Variants in ZNF416 observed in about 807,000 individuals in gnomAD.
ZNF416 encodes the protein zinc finger protein 416.
Under a neutral mutation model 10.9 loss-of-function variants are expected in ZNF416, and 5 were observed. That is an observed-to-expected ratio of 0.46 (90% CI 0.24 to 0.97). ZNF416 has a LOEUF of 0.97. Among genes scored for constraint, ZNF416 ranks in the 50% least tolerant of loss-of-function variants. The probability of loss-of-function intolerance (pLI) is 0.19; values close to 1 mark genes in which losing one functional copy is unlikely to be tolerated. For missense variants in ZNF416, 675 were observed against 715.0 expected, an observed-to-expected ratio of 0.94 and a Z score of 0.64; for synonymous variants, 267 against 251.8, an observed-to-expected ratio of 1.06 and a Z score of -0.57.
In ZNF416 at chr19:57,578,756, C is replaced by T. The variant is rs1178389472; in HGVS notation, c.-52G>A. 1 of 1,421,550 alleles carries T rather than the reference C, an allele frequency of 7.0e-7. No homozygotes were observed. The highest frequency in any genetic ancestry group is 1.5e-5 in the South Asian group (1 of 67,550). 88.1% of individuals were successfully genotyped at this position (1,421,550 alleles called of 1,614,324 possible). A position where few individuals can be genotyped will look rare whatever the true frequency, so the allele number is the denominator to read the frequency against. ...AGCGGCGGGCGACCCGGGGCGGGAA[C>T]CCAGGCACGGCTGCCACCAGCGCCA... On this transcript the variant is annotated 5_prime_UTR_variant, in exon 1 of 4. Coordinates refer to ENST00000196489, the MANE Select transcript of ZNF416 (RefSeq NM_017879.3).
chr19:57,576,399 G>A (rs932855516), intron 2 of ZNF416, among the ~76,000 whole-genome samples: 1 of 151,972 alleles, frequency 6.6e-6, no homozygotes, highest in Admixed American at 6.6e-5. Context: ...CCACACCATA[G>A]GCATCTCTCT....
chr19:57,577,659 C>T (rs1355385730), intron 2 of ZNF416, among the ~76,000 whole-genome samples: 1 of 152,176 alleles, frequency 6.6e-6, no homozygotes, highest in East Asian at 1.9e-4. Flanking sequence ...TCACATACCT[C>T]CTCTGCCCCC....
At position 57,573,152 on chromosome 19, in the gene ZNF416, C is replaced by T. The variant is rs749422442; in HGVS notation, c.752G>A (p.Cys251Tyr). The change falls in exon 4 of 4, where the codon TGC becomes TAC. Residue 251 changes from cysteine to tyrosine, a missense_variant. Cys to Tyr is a radical substitution (Grantham distance 194, BLOSUM62 -2). Coordinates refer to ENST00000196489, the MANE Select transcript of ZNF416 (RefSeq NM_017879.3). ...CTGAACAAGGGAGCACTCACAGCAGCAGGCTTTCCCACATTTGCTAGATTC... is the reference window on the plus strand; with the variant it reads ...CTGAACAAGGGAGCACTCACAGCAGTAGGCTTTCCCACATTTGCTAGATTC... ...LYESSKCGKA[C>Y]CCECSLVQLQ... The T allele has an allele frequency of 1.2e-6, 2 of 1,614,166 alleles. No homozygotes were observed. The highest frequency in any genetic ancestry group is 3.3e-5 in the Admixed American group (2 of 60,026).
intron 2 of ZNF416, among the ~76,000 whole-genome samples, chr19:57,576,693 CA>C: frequency 6.6e-6 from 1 of 152,090 alleles, no homozygotes; most frequent in African/African-American, 2.4e-5. Context: ...AAGTCTGCCC[CA>C]GGGGACCCCC....
At position 57,573,349 on chromosome 19, in the gene ZNF416, G is replaced by A; in HGVS notation, c.555C>T (p.Gly185=). ...TAGCAATAGCTTGCGGCTGAAGAATGCCCAATGGGGCTAGGAAGTCCTTCC... is the reference window on the plus strand; with the variant it reads ...TAGCAATAGCTTGCGGCTGAAGAATACCCAATGGGGCTAGGAAGTCCTTCC... ...EVGKDFLAPL[G]ILQPQAIANY... Residue 185 remains glycine (G), a synonymous_variant, in exon 4 of 4, where the codon GGC becomes GGT. Transcript: ENST00000196489. 6.2e-7 allele frequency: 1 copy of A among 1,614,250 alleles called. No individual in the cohort carries two copies. The highest frequency in any genetic ancestry group is 8.5e-7 in the Non-Finnish European group (1 of 1,180,042).
rs200315346 is a variant in ZNF416 at position 57,572,513 on chromosome 19, C to T, written c.1391G>A (p.Arg464Lys). The T allele has an allele frequency of 1.7e-5, 27 of 1,613,840 alleles. No homozygotes were observed. The highest frequency in any genetic ancestry group is 2.3e-5 in the Non-Finnish European group (27 of 1,180,010). Reference protein sequence around the residue: ...NKHHKVHTAERPYVCGECGKA... With the variant: ...NKHHKVHTAEKPYVCGECGKA... The stretch of plus-strand genomic sequence containing the variant: ...CCCACATTCCCCACATACATAAGGC[C>T]TTTCTGCAGTGTGAACTTTGTGGTG... Residue 464 changes from arginine (R) to lysine (K), a missense_variant, in exon 4 of 4, where the codon AGG becomes AAG. Arg to Lys is a conservative substitution (Grantham distance 26, BLOSUM62 2). Coordinates refer to ENST00000196489, the MANE Select transcript of ZNF416 (RefSeq NM_017879.3). The surrounding 1 kb of genome is among the most constrained non-coding windows in gnomAD (Gnocchi z 4.5).
In ZNF416 at chr19:57,572,759, T is replaced by C. The variant is rs1978346343; in HGVS notation, c.1145A>G (p.Tyr382Cys). 6.2e-7 allele frequency: 1 copy of C among 1,614,088 alleles called. No individual in the cohort carries two copies. ...HQRTHTGEKP[Y>C]ECGECGKLFR... ...TAATTTCCCACATTCACCACACTCA[T>C]ATGGCTTTTCTCCTGTGTGAGTTCT... Residue 382 changes from tyrosine (Y) to cysteine (C), a missense_variant, in exon 4 of 4, where the codon TAT becomes TGT. Transcript: ENST00000196489. This position sits in a 1 kb window ranked among gnomAD's most constrained non-coding sequence, Gnocchi z 4.5.
rs758282431 is a variant in ZNF416, at chr19:57,578,888, T to A, written c.-184A>T. 23 of 493,226 alleles carry A rather than the reference T, an allele frequency of 4.7e-5. No homozygotes were observed. The highest frequency in any genetic ancestry group is 7.2e-5 in the Non-Finnish European group (21 of 291,268). The allele number at this position is 493,226 out of a possible 1,614,324, so 30.6% of individuals were successfully genotyped here. On this transcript the variant is annotated 5_prime_UTR_variant, in exon 1 of 4. An upstream start codon of the reference 5' UTR is lost. Coordinates refer to ENST00000196489, the MANE Select transcript of ZNF416 (RefSeq NM_017879.3). ...AGGTAGAGAACCACCAAAATTACCA[T>A]CTCGGAGCGGTGCCGGAAGTCCCGC... is the stretch of plus-strand genomic sequence containing the variant.
chr19:57,575,675 T>C lies in ZNF416; in HGVS notation c.202+129A>G, dbSNP rs1978504312. ...TGATTAAGGAGTGCAATGATTTCAT[T>C]CCTTACACCACAGCACATACGCCAA... On this transcript the variant is annotated intron_variant, in intron 3 of 3. Coordinates refer to ENST00000196489, the MANE Select transcript of ZNF416 (RefSeq NM_017879.3). This position sits in a 1 kb window ranked among gnomAD's most constrained non-coding sequence, Gnocchi z 4.4. The C allele has an allele frequency of 8.6e-6, 11 of 1,285,016 alleles. No homozygotes were observed. In the South Asian group the frequency reaches 1.3e-4, roughly 16 times the overall value. 79.6% of individuals were successfully genotyped at this position (1,285,016 alleles called of 1,614,324 possible).
rs893414603 is a variant in ZNF416 at position 57,572,737 on chromosome 19, T to C, written c.1167A>G (p.Lys389=). The part of the protein sequence containing the change: ...EKPYECGECG[K]LFRQSFSLVV... ...CAAGGCTGAAGCTTTGTCTGAATAATTTCCCACATTCACCACACTCATATG... is the reference window on the plus strand; with the variant it reads ...CAAGGCTGAAGCTTTGTCTGAATAACTTCCCACATTCACCACACTCATATG... The change falls in exon 4 of 4, where the codon AAA becomes AAG. Residue 389 remains lysine (K), a synonymous_variant. Coordinates refer to ENST00000196489, the MANE Select transcript of ZNF416 (RefSeq NM_017879.3). The surrounding 1 kb of genome is among the most constrained non-coding windows in gnomAD (Gnocchi z 4.5). The C allele has an allele frequency of 6.8e-6, 11 of 1,613,806 alleles. No homozygotes were observed. The African/African-American group carries it at 1.2e-4, about 18-fold the overall frequency.
In ZNF416 at chr19:57,572,495, T is replaced by C. The variant is rs1568606292; in HGVS notation, c.1409A>G (p.Glu470Gly). Residue 470 changes from glutamate (E) to glycine (G), a missense_variant, in exon 4 of 4, where the codon GAA becomes GGA. Glu to Gly is a moderately conservative substitution (Grantham distance 98, BLOSUM62 -2). Coordinates refer to ENST00000196489, the MANE Select transcript of ZNF416 (RefSeq NM_017879.3). The surrounding 1 kb of genome is among the most constrained non-coding windows in gnomAD (Gnocchi z 4.5). ...TTTGAACATAAAAGCTTTCCCACAT[T>C]CCCCACATACATAAGGCCTTTCTGC... ...HTAERPYVCG[E>G]CGKAFMFKSK... 6.2e-7 allele frequency: 1 copy of C among 1,614,016 alleles called. No homozygotes were observed. Among genetic ancestry groups the C allele is most frequent in the East Asian group, 2.2e-5 (1 of 44,876 alleles).
In ZNF416 at chr19:57,573,099, G is replaced by C; in HGVS notation, c.805C>G (p.Pro269Ala). The change falls in exon 4 of 4, where the codon CCT (proline) becomes GCT (alanine). Residue 269 changes from proline (P) to alanine (A), a missense_variant. Transcript: ENST00000196489. ...TTCCCACATTCACTGCACTCATAAG[G>C]CCTTTCTCCAGGGTGGACTCTTTGC... ...QLQRVHPGER[P>A]YECSECGKSF... The C allele has an allele frequency of 6.2e-7, 1 of 1,614,224 alleles. No homozygotes were observed.
intron 1 of ZNF416, chr19:57,578,394 C>T: frequency 3.8e-6 from 2 of 531,386 alleles, no homozygotes; most frequent in South Asian, 6.0e-5. Flanking sequence ...CCACCCATGG[C>T]TCTCAGCGTC....
In ZNF416 at chr19:57,573,208, G is replaced by C. The variant is rs202149553; in HGVS notation, c.696C>G (p.His232Gln). The C allele has an allele frequency of 6.2e-7, 1 of 1,614,170 alleles. No individual in the cohort carries two copies. The highest frequency in any genetic ancestry group is 1.3e-5 in the African/African-American group (1 of 75,046). ...RESSHKHTFF[H>Q]PRVCTGKRLY... ...GCCTTTTTCCAGTGCAGACTCTAGG[G>C]TGAAAAAAAGTGTGTTTGTGGCTGG... The change falls in exon 4 of 4, where the codon CAC becomes CAG. Residue 232 changes from histidine to glutamine, a missense_variant. Physicochemically the swap from His to Gln is conservative, Grantham distance 24. Coordinates refer to ENST00000196489, the MANE Select transcript of ZNF416 (RefSeq NM_017879.3).
At chr19:57,576,020 C>T (rs374912258) in intron 2 of ZNF416, 90 bp from the exon 3 acceptor site, 25 of 1,515,562 alleles carry the variant, frequency 1.6e-5, no homozygotes, top group Admixed American at 7.8e-5. Flanking sequence ...CCTGCTTATC[C>T]CCATACCTAA....
At chr19:57,578,244 T>TA in intron 1 of ZNF416, 146 bp from the exon 2 acceptor site, 1 of 788,950 alleles carries the variant, frequency 1.3e-6, no homozygotes, top group Non-Finnish European at 2.1e-6. Context: ...GTGTGACTCT[T>TA]ACCTGCTGTG....
intron 2 of ZNF416, among the ~76,000 whole-genome samples, chr19:57,577,172 T>G (rs1411997615): frequency 6.6e-6 from 1 of 152,208 alleles, no homozygotes; most frequent in Non-Finnish European, 1.5e-5. Flanking sequence ...CTCAACACAG[T>G]TCTAGTCCTG....
In ZNF416 at chr19:57,571,959, A is replaced by T. The variant is rs2090195389; in HGVS notation, c.*160T>A. 5.8e-6 allele frequency: 5 copies of T among 862,048 alleles called. No homozygotes were observed. Among genetic ancestry groups the T allele is most frequent in the Non-Finnish European group, 7.2e-6 (4 of 556,468 alleles). 53.4% of individuals were successfully genotyped at this position (862,048 alleles called of 1,614,324 possible). A position where few individuals can be genotyped will look rare whatever the true frequency, so the allele number is the denominator to read the frequency against. Reference sequence around the variant, plus strand: ...GCTCCTGCAAGACACATATGCCTGGAACTAATGGGAGTCTGACCCATCGGG... The same window carrying T: ...GCTCCTGCAAGACACATATGCCTGGTACTAATGGGAGTCTGACCCATCGGG... On this transcript the variant is annotated 3_prime_UTR_variant, in exon 4 of 4. Transcript: ENST00000196489.
intron 1 of ZNF416, 62 bp from the exon 2 acceptor site, chr19:57,578,160 C>G: frequency 6.4e-7 from 1 of 1,558,114 alleles, no homozygotes; most frequent in South Asian, 1.1e-5. Flanking sequence ...TGGGCTGATG[C>G]CTCCTTGTTT....
Sources: gnomAD v4.1 joint callset for allele counts (sites outside exome capture counted in the v4.1 genomes callset) on GRCh38, gnomAD v4.1.1 for gene constraint, Gnocchi (gnomAD v3.1) non-coding constraint, MANE v1.5 for transcripts, NCBI Gene and HGNC (gene_info 2026-07-23, HGNC 2026-07-21) for gene names.